The following ANKRD36C variants were observed in gnomAD, a reference collection of about 807,000 sequenced individuals.
The protein encoded by ANKRD36C is ankyrin repeat domain-containing protein 36C.
ANKRD36C carries 61 observed loss-of-function variants against 276.4 expected under a neutral mutation model. The ratio of observed to expected loss-of-function variants is 0.22; its 90% CI spans 0.18 to 0.27. The LOEUF (loss-of-function observed/expected upper bound fraction) is 0.27, where lower values mean the gene tolerates loss of function less well. Ranked by LOEUF, ANKRD36C falls within the 10% of genes least tolerant of loss-of-function variation. ANKRD36C has a pLI of 1.00. For missense variants in ANKRD36C, 1,447 were observed against 2,032.3 expected (o/e 0.71, Z 5.54); for synonymous variants, 483 against 680.1 (o/e 0.71, Z 4.51).
At chr2:95,892,477 T>C (rs1018536012) in intron 44 of ANKRD36C, among the ~76,000 whole-genome samples, 6 of 151,538 alleles carry the variant, frequency 4.0e-5, no homozygotes, top group Non-Finnish European at 8.9e-5. Flanking sequence ...GTTTCTTCTA[T>C]CCACTACTTT....
intron 20 of ANKRD36C, among the ~76,000 whole-genome samples, chr2:95,939,674 A>G: frequency 6.7e-6 from 1 of 149,988 alleles, no homozygotes; most frequent in Non-Finnish European, 1.5e-5. Flanking sequence ...CACTGCACTC[A>G]AGCCTGGGTG....
intron 32 of ANKRD36C, 49 bp downstream of exon 32, chr2:95,923,446 C>A (rs777157713): frequency 2.5e-6 from 4 of 1,592,970 alleles, no homozygotes; most frequent in Admixed American, 1.7e-5. Context: ...AAGAGAAGTT[C>A]TTTTCTATCT....
chr2:95,982,387 T>C, intron 3 of ANKRD36C, 25 bp from the exon 4 acceptor site: 1 of 1,499,270 alleles, frequency 6.7e-7, no homozygotes, highest in Non-Finnish European at 9.0e-7. Context: ...CAACAATTTA[T>C]AATCACAAAA....
intron 60 of ANKRD36C, among the ~76,000 whole-genome samples, chr2:95,862,385 C>G (rs2309090): frequency 7.9e-5 from 12 of 151,988 alleles, no homozygotes; most frequent in African/African-American, 2.4e-4. Flanking sequence ...ATAACTCTGG[C>G]AAATACACAA....
chr2:95,851,106 C>T, downstream of ANKRD36C: 1 of 1,397,614 alleles, frequency 7.2e-7, no homozygotes. Flanking sequence ...CCGTTCACTA[C>T]TTAGAGTTTA....
At chr2:95,858,718 C>T (rs1261598404) in intron 61 of ANKRD36C, among the ~76,000 whole-genome samples, 3 of 152,140 alleles carry the variant, frequency 2.0e-5, no homozygotes, top group Admixed American at 1.3e-4. Flanking sequence ...CTTTATGAAA[C>T]ATATATCAGC....
chr2:95,944,999 T>G (rs1678004949), intron 18 of ANKRD36C, 115 bp downstream of exon 18: 6 of 1,345,288 alleles, frequency 4.5e-6, no homozygotes, highest in Non-Finnish European at 1.0e-6. Context: ...ATCATGCCAC[T>G]GCACTCCAGC....
intron 59 of ANKRD36C, among the ~76,000 whole-genome samples, chr2:95,874,875 C>T (rs1032921061): frequency 2.0e-5 from 3 of 152,132 alleles, no homozygotes; most frequent in Non-Finnish European, 2.9e-5. Context: ...CAAAGGATAT[C>T]AACAGACACT....
intron 59 of ANKRD36C, among the ~76,000 whole-genome samples, chr2:95,872,670 A>G (rs1266013189): frequency 6.6e-6 from 1 of 151,314 alleles, no homozygotes; most frequent in Non-Finnish European, 1.5e-5. Flanking sequence ...TAAAATCAGA[A>G]CAGAACTGAA....
At chr2:95,855,573 T>C (rs756910532) in exon 63 of ANKRD36C, 147 of 1,610,930 alleles carry the variant, frequency 9.1e-5, no homozygotes, top group Non-Finnish European at 1.2e-4. Context: ...GTACATTTTT[T>C]CAATGTCCTT....
At chr2:95,991,820 G>A, upstream of ANKRD36C, 4 of 979,820 alleles carry the variant, frequency 4.1e-6, no homozygotes, top group African/African-American at 1.6e-5. Flanking sequence ...CCTTCGCACA[G>A]ACTCTCAGCG....
chr2:95,902,875 T>C lies in ANKRD36C; in HGVS notation c.2654-3539A>G, dbSNP rs1029543623. On this transcript the variant is annotated intron_variant, in intron 42 of 66. Transcript: ENST00000456556. ...GACTGAACATGACATTAAATCTCTT[T>C]TCAAAATTACCTCTCCTAGTTTTTT... is the stretch of plus-strand genomic sequence containing the variant. The C allele has an allele frequency of 2.7e-5, 42 of 1,563,466 alleles. 1 individual carries two copies. The highest frequency in any genetic ancestry group is 3.3e-5 in the Non-Finnish European group (38 of 1,151,514).
intron 28 of ANKRD36C, among the ~76,000 whole-genome samples, chr2:95,926,177 C>G (rs191584255): frequency 4.2e-4 from 64 of 151,594 alleles, no homozygotes; most frequent in African/African-American, 1.4e-3. Flanking sequence ...CTCTAGTTTA[C>G]GCTACAGAAA....
chr2:95,969,324 G>A (rs1276400531), intron 6 of ANKRD36C, among the ~76,000 whole-genome samples: 1 of 152,138 alleles, frequency 6.6e-6, no homozygotes, highest in Non-Finnish European at 1.5e-5. Context: ...GACAGAAAAT[G>A]GGGTTGAAGA....
chr2:95,986,856 C>T (rs778372123), exon 3 of ANKRD36C: 100 of 1,611,710 alleles, frequency 6.2e-5, no homozygotes, highest in Non-Finnish European at 9.3e-6. Context: ...CAAAGACATC[C>T]GTAATATTTG....
chr2:95,934,047 A>G, intron 24 of ANKRD36C, among the ~76,000 whole-genome samples: 1 of 152,274 alleles, frequency 6.6e-6, no homozygotes, highest in Non-Finnish European at 1.5e-5. Context: ...TCAAAACCAC[A>G]ATGAGATACC....
At chr2:95,947,980 T>G (rs1300576819) in intron 17 of ANKRD36C, among the ~76,000 whole-genome samples, 1 of 152,100 alleles carries the variant, frequency 6.6e-6, no homozygotes, top group Non-Finnish European at 1.5e-5. Flanking sequence ...AATATTATTT[T>G]AGCCTAAATA....
chr2:95,893,462 G>C, intron 44 of ANKRD36C, 71 bp downstream of exon 64: 1 of 1,524,818 alleles, frequency 6.6e-7, no homozygotes, highest in East Asian at 2.5e-5. Context: ...GCCCCCCGCT[G>C]ATTTATTTGG....
At position 95,914,094 on chromosome 2, in the gene ANKRD36C, C is replaced by A; in HGVS notation, c.2551+14G>T. On this transcript the variant is annotated intron_variant, in intron 40 of 66. Coordinates refer to ENST00000456556, the Ensembl canonical transcript of ANKRD36C. Reference sequence around the variant, plus strand: ...CTCGACTGATCATGACATTAAATCTCTTTTCAAAATTACCTCTCCTAGTTT... The same window carrying A: ...CTCGACTGATCATGACATTAAATCTATTTTCAAAATTACCTCTCCTAGTTT... 1 of 1,554,008 alleles carries A rather than the reference C, an allele frequency of 6.4e-7. No homozygotes were observed. The highest frequency in any genetic ancestry group is 2.4e-5 in the East Asian group (1 of 42,336).
Sources: allele counts gnomAD v4.1 joint callset (sites outside exome capture counted in the v4.1 genomes callset), GRCh38; gene constraint gnomAD v4.1.1; transcripts MANE v1.5; gene names NCBI Gene and HGNC (gene_info 2026-07-23, HGNC 2026-07-21).